Variants in CSMD1 observed in about 807,000 individuals in gnomAD.
The protein encoded by CSMD1 is CUB and sushi domain-containing protein 1.
Under a neutral mutation model 417.5 loss-of-function variants are expected in CSMD1, and 213 were observed. The ratio of observed to expected loss-of-function variants is 0.51; its 90% confidence interval spans 0.46 to 0.57. The LOEUF (loss-of-function observed/expected upper bound fraction) is 0.57. Among genes scored for constraint, CSMD1 ranks in the 20% least tolerant of loss-of-function variants. The probability of loss-of-function intolerance (pLI) is 0.00; values close to 1 mark genes in which losing one functional copy is unlikely to be tolerated. For synonymous variants in CSMD1, 2,862 were observed against 1,736.8 expected, an observed-to-expected ratio of 1.65 and a Z score of -16.11; for missense variants, 6,923 against 4,529.7, an observed-to-expected ratio of 1.53 and a Z score of -15.17.
rs137940233 is a variant in CSMD1, at chr8:4,445,144, G to T, written c.303-25079C>A. 9.8e-4 allele frequency among the ~76,000 whole-genome samples: 150 copies of T among 152,308 alleles called. 1 individual carries two copies. The highest frequency in any genetic ancestry group is 3.5e-3 in the African/African-American group (146 of 41,566). The stretch of plus-strand genomic sequence containing the variant: ...GATAGTAGATACAGTGCTGTTTTAA[G>T]ATTGGGTGATGGCACTAGAAGAATC... On this transcript the variant is annotated intron_variant, in intron 2 of 69. Transcript: ENST00000635120.
intron 1 of CSMD1, among the ~76,000 whole-genome samples, chr8:4,905,807 G>A (rs551460315): frequency 7.9e-5 from 10 of 126,640 alleles, no homozygotes; most frequent in South Asian, 2.6e-4. Context: ...GCCACAGAGC[G>A]AGACTCCATC....
intron 2 of CSMD1, among the ~76,000 whole-genome samples, chr8:4,620,683 G>C (rs188472338): frequency 2.0e-5 from 3 of 151,740 alleles, no homozygotes; most frequent in Admixed American, 6.6e-5. Context: ...AAAATCATAA[G>C]AGAAGTTAGA....
intron 3 of CSMD1, among the ~76,000 whole-genome samples, chr8:4,185,224 C>T (rs7018112): frequency 0.35 from 53,217 of 150,926 alleles, 11,277 homozygotes; most frequent in South Asian, 0.48. Context: ...GGCTGGGAAC[C>T]TGCTTTCTTG....
chr8:3,131,478 T>C (rs1817789509), intron 41 of CSMD1, among the ~76,000 whole-genome samples: 1 of 150,684 alleles, frequency 6.6e-6, no homozygotes, highest in Admixed American at 6.6e-5. Context: ...CTAATTTTTT[T>C]TTTTTTTTTT....
At chr8:3,169,869 A>G (rs970222436) in intron 37 of CSMD1, among the ~76,000 whole-genome samples, 1 of 152,124 alleles carries the variant, frequency 6.6e-6, no homozygotes, top group African/African-American at 2.4e-5. Flanking sequence ...CCCAGCTCAC[A>G]TTCCTTTCCT....
chr8:4,405,432 T>A (rs930002832), intron 3 of CSMD1, among the ~76,000 whole-genome samples: 1 of 152,152 alleles, frequency 6.6e-6, no homozygotes, highest in African/African-American at 2.4e-5. Flanking sequence ...CAGTTGTCAA[T>A]TGTAAAATGA....
intron 49 of CSMD1, among the ~76,000 whole-genome samples, chr8:3,068,804 A>G (rs1164237673): frequency 6.6e-6 from 1 of 152,176 alleles, no homozygotes; most frequent in Non-Finnish European, 1.5e-5. Flanking sequence ...CCCATGATCC[A>G]AACATCTCCC....
chr8:4,469,336 G>C (rs1038641323), intron 2 of CSMD1, among the ~76,000 whole-genome samples: 1 of 152,176 alleles, frequency 6.6e-6, no homozygotes, highest in Non-Finnish European at 1.5e-5. Context: ...TTTCTGAAAA[G>C]TCTTGTTATT....
chr8:3,193,518 C>T (rs1457822673), intron 33 of CSMD1, among the ~76,000 whole-genome samples: 1 of 152,078 alleles, frequency 6.6e-6, no homozygotes, highest in Non-Finnish European at 1.5e-5. Flanking sequence ...CCCCGCCCGT[C>T]CTCTGGGTCT....
chr8:4,706,155 A>G (rs932768721), intron 1 of CSMD1, among the ~76,000 whole-genome samples: 14 of 150,842 alleles, frequency 9.3e-5, no homozygotes, highest in African/African-American at 3.4e-4. Flanking sequence ...AATTTTATGT[A>G]TTTATATACT....
At chr8:4,472,031 G>C (rs1359654085) in intron 2 of CSMD1, among the ~76,000 whole-genome samples, 1 of 152,110 alleles carries the variant, frequency 6.6e-6, no homozygotes, top group Non-Finnish European at 1.5e-5. Flanking sequence ...TTTTTAACTA[G>C]AAATAATTGG....
intron 40 of CSMD1, 26 bp from the exon 41 acceptor site, chr8:3,142,700 G>C (rs766141915): frequency 6.5e-7 from 1 of 1,540,914 alleles, no homozygotes; most frequent in East Asian, 2.2e-5. Flanking sequence ...CAAACTTAAT[G>C]AAAGTTCATA....
chr8:3,259,226 T>C (rs976978345), intron 26 of CSMD1, among the ~76,000 whole-genome samples: 1 of 152,212 alleles, frequency 6.6e-6, no homozygotes, highest in African/African-American at 2.4e-5. Context: ...CTGAAAGGCG[T>C]TTTCTAAAAT....
chr8:3,417,951 T>A (rs892163211), intron 12 of CSMD1, among the ~76,000 whole-genome samples: 1 of 152,178 alleles, frequency 6.6e-6, no homozygotes, highest in Non-Finnish European at 1.5e-5. Context: ...GAGCCTCCCA[T>A]GACTCTCTCC....
At chr8:4,914,628 C>A (rs73507959) in intron 1 of CSMD1, among the ~76,000 whole-genome samples, 3 of 151,206 alleles carry the variant, frequency 2.0e-5, no homozygotes, top group Non-Finnish European at 4.4e-5. Flanking sequence ...ATAACGGTCG[C>A]CTTTAACTTC....
intron 1 of CSMD1, among the ~76,000 whole-genome samples, chr8:4,762,632 G>A (rs151079446): frequency 5.3e-5 from 8 of 152,192 alleles, no homozygotes; most frequent in African/African-American, 1.7e-4. Flanking sequence ...ATTTGCATAG[G>A]ACGCAGCGTC....
At position 3,639,406 on chromosome 8, in the gene CSMD1, T is replaced by C. The variant is rs185430371; in HGVS notation, c.1010-22609A>G. 2.5e-3 allele frequency among the ~76,000 whole-genome samples: 377 copies of C among 152,298 alleles called. 2 individuals carry two copies. The highest frequency in any genetic ancestry group is 8.8e-3 in the African/African-American group (366 of 41,558). ...GAGGGTTCATCAAAATTCCCAGAAATCATTTCACCAACTTATGCTGAAAAA... is the reference window on the plus strand; with the variant it reads ...GAGGGTTCATCAAAATTCCCAGAAACCATTTCACCAACTTATGCTGAAAAA... On this transcript the variant is annotated intron_variant, in intron 7 of 69. Transcript: ENST00000635120.
chr8:4,007,093 C>A (rs1816186771), intron 4 of CSMD1, among the ~76,000 whole-genome samples: 1 of 152,028 alleles, frequency 6.6e-6, no homozygotes, highest in African/African-American at 2.4e-5. Context: ...CCACCTCGGC[C>A]TCCCAAAGTT....
chr8:4,972,594 C>T (rs1810308277), intron 1 of CSMD1, among the ~76,000 whole-genome samples: 1 of 152,114 alleles, frequency 6.6e-6, no homozygotes, highest in South Asian at 2.1e-4. Context: ...TCTAAATTAT[C>T]TCACCTCAGG....
Sources: allele counts gnomAD v4.1 joint callset (sites outside exome capture counted in the v4.1 genomes callset), GRCh38; gene constraint gnomAD v4.1.1; transcripts MANE v1.5; gene names NCBI Gene and HGNC (gene_info 2026-07-23, HGNC 2026-07-21).